ALLC: variants seen among roughly 807,000 people sequenced by gnomAD.
The protein encoded by ALLC is allantoicase.
Under a neutral mutation model 45.0 loss-of-function variants are expected in ALLC, and 40 were observed. The observed-to-expected ratio is 0.89, with a 90% CI of 0.69 to 1.16. The LOEUF is 1.16. Ranked by LOEUF, ALLC falls within the 50% of genes most tolerant of loss-of-function variation. The pLI is 0.00. For missense variants in ALLC, 488 were observed against 493.1 expected, an observed-to-expected ratio of 0.99 and a Z score of 0.10; for synonymous variants, 176 against 178.1, an observed-to-expected ratio of 0.99 and a Z score of 0.09.
At chr2:3,700,249 A>C (rs1667788540) in intron 10 of ALLC, among the ~76,000 whole-genome samples, 1 of 152,114 alleles carries the variant, frequency 6.6e-6, no homozygotes, top group South Asian at 2.1e-4. Context: ...CATTTATTGA[A>C]TTGGGATTCA....
At chr2:3,690,629 T>A (rs1476218750) in intron 7 of ALLC, among the ~76,000 whole-genome samples, 1 of 151,256 alleles carries the variant, frequency 6.6e-6, no homozygotes, top group Non-Finnish European at 1.5e-5. Context: ...AGATGTCAAC[T>A]CATCTTAGAT....
chr2:3,652,374 GAGCCACTATTCAT>G, the ALLC span, among the ~76,000 whole-genome samples: 1 of 152,256 alleles, frequency 6.6e-6, no homozygotes, highest in East Asian at 1.9e-4. Context: ...CACAAATCCA[GAGCCACTATTCAT>G]AGAGCTACAA....
the ALLC span, among the ~76,000 whole-genome samples, chr2:3,653,196 C>T: frequency 6.6e-6 from 1 of 152,256 alleles, no homozygotes; most frequent in Non-Finnish European, 1.5e-5. This position sits in a 1 kb window ranked among gnomAD's most constrained non-coding sequence, Gnocchi z 4.1. Context: ...GAGCATCACT[C>T]TGTCTCCTTC....
At chr2:3,652,122 C>T in the ALLC span, among the ~76,000 whole-genome samples, 3 of 152,232 alleles carry the variant, frequency 2.0e-5, no homozygotes, top group Non-Finnish European at 4.4e-5. Flanking sequence ...GGCCCGGAGC[C>T]CCGCCTCGGT....
chr2:3,649,387 G>A, the ALLC span, among the ~76,000 whole-genome samples: 2 of 151,960 alleles, frequency 1.3e-5, no homozygotes, highest in South Asian at 2.1e-4. Context: ...GTCTACAGGC[G>A]CCCGCCACCA....
chr2:3,650,426 C>T, the ALLC span, among the ~76,000 whole-genome samples: 6 of 152,188 alleles, frequency 3.9e-5, no homozygotes, highest in African/African-American at 1.4e-4. Flanking sequence ...ATGCTGAGCG[C>T]TGTTTGCTGG....
At chr2:3,669,612 C>T (rs1288212863) in intron 1 of ALLC, among the ~76,000 whole-genome samples, 1 of 152,208 alleles carries the variant, frequency 6.6e-6, no homozygotes, top group Non-Finnish European at 1.5e-5. Flanking sequence ...TGCGCCGCTG[C>T]ACTCCAGCCT....
chr2:3,648,929 C>T, the ALLC span, among the ~76,000 whole-genome samples: 1 of 152,198 alleles, frequency 6.6e-6, no homozygotes, highest in Non-Finnish European at 1.5e-5. Flanking sequence ...GATTACATGA[C>T]ACGATGTGTG....
intron 7 of ALLC, among the ~76,000 whole-genome samples, chr2:3,693,769 C>T (rs928429756): frequency 6.6e-6 from 1 of 152,194 alleles, no homozygotes; most frequent in South Asian, 2.1e-4. Flanking sequence ...GGGCAGATCA[C>T]CTGAGGTCAG....
At chr2:3,685,812 G>A (rs1313062753) in intron 7 of ALLC, among the ~76,000 whole-genome samples, 1 of 150,798 alleles carries the variant, frequency 6.6e-6, no homozygotes, top group East Asian at 2.0e-4. Flanking sequence ...CAGAACTTTT[G>A]CCCATTTATA....
chr2:3,702,367 C>T lies in ALLC; in HGVS notation c.980C>T (p.Ser327Phe). The T allele has an allele frequency of 1.2e-6, 2 of 1,612,916 alleles. No homozygotes were observed. The highest frequency in any genetic ancestry group is 1.7e-6 in the Non-Finnish European group (2 of 1,179,678). Residue 327 changes from serine to phenylalanine, a missense_variant, in exon 12 of 12, where the codon TCT (serine) becomes TTT (phenylalanine). Ser to Phe is a radical substitution (Grantham distance 155, BLOSUM62 -2). Transcript: ENST00000252505. ...WKPLLPVTKL[S>F]PNQSHLFDSL... The stretch of plus-strand genomic sequence containing the variant: ...CTGCATCTGCTTGCTTTTCAGTTGT[C>T]TCCCAACCAAAGTCATCTGTTCGAT...
At chr2:3,654,968 T>A (rs1287356167), upstream of ALLC, among the ~76,000 whole-genome samples, 2 of 152,242 alleles carry the variant, frequency 1.3e-5, no homozygotes, top group African/African-American at 4.8e-5. Context: ...GTGACCTCCC[T>A]GTGTCTGTGG....
chr2:3,657,131 A>G (rs1572499607), upstream of ALLC, among the ~76,000 whole-genome samples: 1 of 152,034 alleles, frequency 6.6e-6, no homozygotes, highest in African/African-American at 2.4e-5. Flanking sequence ...ATGGGCAGAC[A>G]GATGTGTAAA....
intron 7 of ALLC, among the ~76,000 whole-genome samples, chr2:3,687,126 T>C (rs1202301112): frequency 1.3e-5 from 2 of 150,916 alleles, no homozygotes; most frequent in African/African-American, 4.8e-5. Flanking sequence ...ACCCAATTTA[T>C]TGAGGGTTTT....
Position 3,678,572 on chromosome 2 carries a change from G to A in ALLC, c.172+17G>A, listed in dbSNP as rs142002172. On this transcript the variant is annotated intron_variant, in intron 4 of 11. Coordinates refer to ENST00000252505, the MANE Select transcript of ALLC (RefSeq NM_018436.4). ...GGATTCCAGGTAATAACAACGGTTC[G>A]TTCATCGAAGTGCAGCTGACACTGC... 2.7e-4 allele frequency: 430 copies of A among 1,604,346 alleles called. 4 individuals carry two copies. In the East Asian group the frequency reaches 6.8e-3, roughly 25 times the overall value.
At chr2:3,646,058 C>T in the ALLC span, among the ~76,000 whole-genome samples, 2 of 152,166 alleles carry the variant, frequency 1.3e-5, no homozygotes, top group Non-Finnish European at 2.9e-5. Flanking sequence ...GGTTTGCCCG[C>T]AGCCTTGGAA....
chr2:3,658,876 C>CAAAAAA (rs566003324), intron 1 of ALLC, among the ~76,000 whole-genome samples: 5 of 69,076 alleles, frequency 7.2e-5, no homozygotes, highest in African/African-American at 2.4e-4. Context: ...GACCCTGTCT[C>CAAAAAA]AAAAAAAAAA....
intron 2 of ALLC, 61 bp from the exon 3 acceptor site, chr2:3,674,014 G>A: frequency 7.9e-7 from 1 of 1,263,588 alleles, no homozygotes; most frequent in African/African-American, 1.5e-5. Context: ...ACTAGGGAAT[G>A]AAATAAAATG....
chr2:3,667,048 G>A (rs1572507097), intron 1 of ALLC, among the ~76,000 whole-genome samples: 1 of 152,156 alleles, frequency 6.6e-6, no homozygotes, highest in East Asian at 1.9e-4. Context: ...GGACAATATG[G>A]GTCCCAGCAA....
Sources: gnomAD v4.1 joint callset for allele counts (sites outside exome capture counted in the v4.1 genomes callset) on GRCh38, gnomAD v4.1.1 for gene constraint, Gnocchi (gnomAD v3.1) non-coding constraint, MANE v1.5 for transcripts, NCBI Gene and HGNC (gene_info 2026-07-23, HGNC 2026-07-21) for gene names.